The following NRXN3 variants were observed in gnomAD, a reference collection of about 807,000 sequenced individuals.
NRXN3 encodes the protein neurexin 3.
A neutral mutation model predicts 137.6 loss-of-function variants in NRXN3; 32 were observed. The observed-to-expected ratio is 0.23, with a 90% CI of 0.18 to 0.31. The LOEUF (loss-of-function observed/expected upper bound fraction) is 0.31. Ranked by LOEUF, NRXN3 falls within the 10% of genes least tolerant of loss-of-function variation. NRXN3 has a pLI of 1.00. For missense variants in NRXN3, 1,574 were observed against 2,062.5 expected (o/e 0.76, Z 4.59); for synonymous variants, 798 against 784.5 (o/e 1.02, Z -0.29).
intron 8 of NRXN3, among the ~76,000 whole-genome samples, chr14:78,793,693 C>T (rs117503401): frequency 9.4e-4 from 143 of 152,272 alleles, no homozygotes; most frequent in Non-Finnish European, 1.9e-3. Context: ...GTCACATAGG[C>T]ATACGATGCT....
chr14:78,569,501 G>A (rs1412338816), intron 4 of NRXN3, among the ~76,000 whole-genome samples: 2 of 151,590 alleles, frequency 1.3e-5, no homozygotes, highest in Admixed American at 6.6e-5. Context: ...TCCTGACCTC[G>A]TGATCCACCC....
chr14:78,208,883 C>T (rs1183287836), intron 1 of NRXN3, among the ~76,000 whole-genome samples: 1 of 152,136 alleles, frequency 6.6e-6, no homozygotes, highest in Non-Finnish European at 1.5e-5. Flanking sequence ...TTGTAGTTCG[C>T]GTATGTGTCC....
intron 1 of NRXN3, among the ~76,000 whole-genome samples, chr14:78,232,916 C>T (rs1222096773): frequency 6.6e-6 from 1 of 152,220 alleles, no homozygotes; most frequent in East Asian, 1.9e-4. Flanking sequence ...TCTTGGGTTC[C>T]TGGCTGTACT....
intron 1 of NRXN3, among the ~76,000 whole-genome samples, chr14:78,193,631 G>A (rs764733701): frequency 3.3e-5 from 5 of 151,968 alleles, no homozygotes; most frequent in Non-Finnish European, 7.4e-5. Context: ...ATGTGGTGGC[G>A]CACACCTGTA....
chr14:79,685,276 C>T (rs941769230), intron 17 of NRXN3, among the ~76,000 whole-genome samples: 5 of 151,968 alleles, frequency 3.3e-5, no homozygotes, highest in South Asian at 4.1e-4. Flanking sequence ...ATTATTATTA[C>T]GATCCCCTTT....
At chr14:78,705,747 G>T (rs564355793) in intron 6 of NRXN3, among the ~76,000 whole-genome samples, 3 of 152,312 alleles carry the variant, frequency 2.0e-5, no homozygotes, top group Non-Finnish European at 4.4e-5. Context: ...ACTCAGAAGG[G>T]TTATTCAGCT....
intron 10 of NRXN3, among the ~76,000 whole-genome samples, chr14:78,847,013 A>G (rs557576084): frequency 6.6e-6 from 1 of 152,100 alleles, no homozygotes; most frequent in South Asian, 2.1e-4. Context: ...AAGTTAATCC[A>G]TACAGTGCAC....
intron 2 of NRXN3, among the ~76,000 whole-genome samples, chr14:78,273,129 T>C (rs1451423230): frequency 1.3e-5 from 2 of 152,196 alleles, no homozygotes; most frequent in Non-Finnish European, 2.9e-5. Flanking sequence ...TAATATTGCT[T>C]TTATCCCATT....
intron 17 of NRXN3, among the ~76,000 whole-genome samples, chr14:79,685,152 T>C (rs2154019678): frequency 6.6e-6 from 1 of 152,346 alleles, no homozygotes; most frequent in South Asian, 2.1e-4. Flanking sequence ...TTAACTCTTC[T>C]GAATCAGGTA....
At chr14:79,553,058 G>A (rs1203889610) in intron 16 of NRXN3, among the ~76,000 whole-genome samples, 1 of 152,084 alleles carries the variant, frequency 6.6e-6, no homozygotes, top group South Asian at 2.1e-4. Context: ...GAATGTGGGG[G>A]GTGGGGAAAG....
At chr14:79,102,535 G>A (rs1026692769) in intron 15 of NRXN3, among the ~76,000 whole-genome samples, 4 of 152,116 alleles carry the variant, frequency 2.6e-5, no homozygotes, top group Non-Finnish European at 5.9e-5. Flanking sequence ...CATGTGCAAG[G>A]CAATGGGAAA....
At chr14:78,415,090 A>C (rs2093052635) in intron 4 of NRXN3, among the ~76,000 whole-genome samples, 1 of 152,202 alleles carries the variant, frequency 6.6e-6, no homozygotes, top group African/African-American at 2.4e-5. Flanking sequence ...TTGGATACAG[A>C]CAGACTTGAG....
chr14:79,248,069 A>G (rs2075441401), intron 15 of NRXN3, among the ~76,000 whole-genome samples: 1 of 152,160 alleles, frequency 6.6e-6, no homozygotes, highest in African/African-American at 2.4e-5. Context: ...CCTGGGCTCA[A>G]GTGATCATTT....
At chr14:78,241,007 C>T (rs928382256) in intron 1 of NRXN3, among the ~76,000 whole-genome samples, 1 of 152,188 alleles carries the variant, frequency 6.6e-6, no homozygotes, top group Non-Finnish European at 1.5e-5. Context: ...GAACAGAGAA[C>T]TCAGGCGGGC....
chr14:79,224,988 G>A (rs1340531604), intron 15 of NRXN3, among the ~76,000 whole-genome samples: 3 of 152,048 alleles, frequency 2.0e-5, no homozygotes, highest in Non-Finnish European at 4.4e-5. Context: ...AGCCGCCCTA[G>A]GAAACTAATA....
intron 15 of NRXN3, among the ~76,000 whole-genome samples, chr14:79,259,931 C>T (rs944537360): frequency 6.6e-6 from 1 of 151,956 alleles, no homozygotes; most frequent in African/African-American, 2.4e-5. Context: ...TTCTGTCTCC[C>T]CCACCTTTCC....
chr14:78,337,417 C>A (rs1318262971), intron 4 of NRXN3, among the ~76,000 whole-genome samples: 1 of 151,972 alleles, frequency 6.6e-6, no homozygotes, highest in African/African-American at 2.4e-5. Context: ...GTGAAGGTGG[C>A]AATGGGGGTT....
At chr14:78,327,050 A>C (rs547999072) in intron 4 of NRXN3, among the ~76,000 whole-genome samples, 1 of 152,310 alleles carries the variant, frequency 6.6e-6, no homozygotes, top group African/African-American at 2.4e-5. Context: ...TACTTACAAG[A>C]ATACTTGGCA....
At chr14:78,833,823 T>C (rs1020428676) in intron 10 of NRXN3, among the ~76,000 whole-genome samples, 1 of 151,000 alleles carries the variant, frequency 6.6e-6, no homozygotes, top group Non-Finnish European at 1.5e-5. Flanking sequence ...GTATTATTAT[T>C]CCCCTTTGAA....
Sources: gnomAD v4.1 joint callset for allele counts (sites outside exome capture counted in the v4.1 genomes callset) on GRCh38, gnomAD v4.1.1 for gene constraint, MANE v1.5 for transcripts, NCBI Gene and HGNC (gene_info 2026-07-23, HGNC 2026-07-21) for gene names.